The following DOP1B variants were observed in gnomAD, a reference collection of about 807,000 sequenced individuals.
The protein encoded by DOP1B is protein DOP1B.
A neutral mutation model predicts 233.5 loss-of-function variants in DOP1B; 174 were observed. The ratio of observed to expected loss-of-function variants is 0.75; its 90% CI spans 0.66 to 0.85. The LOEUF (loss-of-function observed/expected upper bound fraction) is 0.85. DOP1B is among the 40% of genes least tolerant of loss of function. The pLI, the probability that DOP1B is intolerant of heterozygous loss-of-function variation, is 0.00. For synonymous variants in DOP1B, 1,190 were observed against 1,185.6 expected, an observed-to-expected ratio of 1.00 and a Z score of -0.08; for missense variants, 2,652 against 2,846.6, an observed-to-expected ratio of 0.93 and a Z score of 1.56.
In DOP1B at chr21:36,293,412, C is replaced by T. The variant is rs1459984521; in HGVS notation, c.6738C>T (p.Phe2246=). 3 of 1,614,172 alleles carry T rather than the reference C, an allele frequency of 1.9e-6. No individual in the cohort carries two copies. Among genetic ancestry groups the T allele is most frequent in the Non-Finnish European group, 2.5e-6 (3 of 1,180,034 alleles). The stretch of plus-strand genomic sequence containing the variant: ...CCAGCATCAGGCAGTTGATGCCATT[C>T]TTCATGACTCTAAATGGTGCATTTA... The part of the protein sequence containing the change: ...SVSSIRQLMP[F]FMTLNGAFKT... The change falls in exon 37 of 37, where the codon TTC becomes TTT. Residue 2246 remains phenylalanine (F), a synonymous_variant. Transcript: ENST00000691173.
Position 36,230,532 on chromosome 21 carries a change from C to G in DOP1B, c.1748C>G (p.Pro583Arg), listed in dbSNP as rs574642618. 4 of 1,614,206 alleles carry G rather than the reference C, an allele frequency of 2.5e-6. No homozygotes were observed. In the East Asian group the frequency reaches 8.9e-5, roughly 36 times the overall value. Residue 583 changes from proline (P) to arginine (R), a missense_variant, in exon 14 of 37, where the codon CCT (proline) becomes CGT (arginine). Physicochemically the swap from Pro to Arg is moderately radical, Grantham distance 103. Around this residue, in one of 3 missense-constraint regions of DOP1B, gnomAD observed 2,617 missense variants for 2,794.3 expected, o/e 0.94. Coordinates refer to ENST00000691173, the MANE Select transcript of DOP1B (RefSeq NM_001320714.2). ...IPGDEDASFP[P>R]LKSEDSGIGL... The stretch of plus-strand genomic sequence containing the variant: ...GGTGACGAAGATGCTTCGTTTCCCC[C>G]TCTGAAGTCTGAGGACAGTGGGATC...
chr21:36,230,717 G>C lies in DOP1B; in HGVS notation c.1933G>C (p.Val645Leu). 1 of 1,614,190 alleles carries C rather than the reference G, an allele frequency of 6.2e-7. No individual in the cohort carries two copies. The highest frequency in any genetic ancestry group is 8.5e-7 in the Non-Finnish European group (1 of 1,180,046). The change falls in exon 14 of 37, where the codon GTA becomes CTA. Residue 645 changes from valine to leucine, a missense_variant. Physicochemically the swap from Val to Leu is conservative, Grantham distance 32. This residue lies in a region of DOP1B where 2,617 missense variants were observed against 2,794.3 expected (regional missense o/e 0.94). Transcript: ENST00000691173. ...ANFASKNIFG[V>L]QLTASGEESK... ...CTTTGCCAGCAAGAACATTTTTGGAGTACAGCTGACAGCGTCAGGAGAAGA... is the reference window on the plus strand; with the variant it reads ...CTTTGCCAGCAAGAACATTTTTGGACTACAGCTGACAGCGTCAGGAGAAGA...
chr21:36,243,874 T>C (rs1375986661), intron 18 of DOP1B, among the ~76,000 whole-genome samples: 4 of 152,034 alleles, frequency 2.6e-5, no homozygotes, highest in Non-Finnish European at 5.9e-5. Context: ...AGTTTTTCCA[T>C]GTTGCCCAGG....
chr21:36,169,949 T>A, intron 2 of DOP1B: 1 of 768,542 alleles, frequency 1.3e-6, no homozygotes, highest in Non-Finnish European at 2.4e-6. Flanking sequence ...GTCTCCACAG[T>A]AGTCATGGCC....
intron 2 of DOP1B, chr21:36,168,980 TCTTC>T (rs1201797388): frequency 1.4e-6 from 1 of 736,816 alleles, no homozygotes; most frequent in African/African-American, 1.7e-5. Context: ...TTAAGCTCCT[TCTTC>T]CTTTGCAATT....
intron 2 of DOP1B, among the ~76,000 whole-genome samples, chr21:36,172,969 A>C (rs2065986574): frequency 6.6e-6 from 1 of 151,964 alleles, no homozygotes; most frequent in Non-Finnish European, 1.5e-5. Flanking sequence ...AAATAAAAAA[A>C]ATTAGCCAGG....
chr21:36,288,939 CA>C (rs766706067), intron 34 of DOP1B, 105 bp from the exon 35 acceptor site: 32 of 1,500,296 alleles, frequency 2.1e-5, no homozygotes, highest in Non-Finnish European at 2.8e-5. Context: ...CCAGCTATTC[CA>C]AAAATTTCTT....
chr21:36,166,409 C>G (rs1473501109), intron 2 of DOP1B, among the ~76,000 whole-genome samples: 1 of 151,792 alleles, frequency 6.6e-6, no homozygotes, highest in African/African-American at 2.4e-5. Flanking sequence ...TGCCCTCCAT[C>G]CTGGGTGACA....
chr21:36,166,687 A>C (rs2065914309), intron 2 of DOP1B, among the ~76,000 whole-genome samples: 1 of 152,158 alleles, frequency 6.6e-6, no homozygotes, highest in Admixed American at 6.5e-5. Context: ...TTGGAGCCCA[A>C]GTGCTAGGTG....
At chr21:36,287,836 C>T (rs991631922) in intron 32 of DOP1B, among the ~76,000 whole-genome samples, 178 bp from the exon 33 acceptor site, 15 of 152,016 alleles carry the variant, frequency 9.9e-5, no homozygotes, top group African/African-American at 2.2e-4. Flanking sequence ...CCGCCCGCCT[C>T]GGCCTCCCAA....
In DOP1B at chr21:36,230,804, A is replaced by C; in HGVS notation, c.2020A>C (p.Asn674His). The change falls in exon 14 of 37, where the codon AAT becomes CAT. Residue 674 changes from asparagine (N) to histidine (H), a missense_variant. This residue lies in a region of DOP1B where 2,617 missense variants were observed against 2,794.3 expected (regional missense o/e 0.94). Transcript: ENST00000691173. The stretch of plus-strand genomic sequence containing the variant: ...GGATGGGACGCAGAGCCTGGCAGCC[A>C]ATGATTCCAGCAGGAAGAACTCTTG... ...DRDGTQSLAA[N>H]DSSRKNSWEP... 1 of 1,614,176 alleles carries C rather than the reference A, an allele frequency of 6.2e-7. No individual in the cohort carries two copies. The highest frequency in any genetic ancestry group is 8.5e-7 in the Non-Finnish European group (1 of 1,180,022).
chr21:36,250,610 A>T (rs1307658861), intron 21 of DOP1B, among the ~76,000 whole-genome samples: 1 of 152,190 alleles, frequency 6.6e-6, no homozygotes, highest in Admixed American at 6.5e-5. Context: ...AGAAATTCAT[A>T]AGTAGCAAAA....
At chr21:36,160,948 G>A (rs1459629593) in intron 1 of DOP1B, among the ~76,000 whole-genome samples, 3 of 152,216 alleles carry the variant, frequency 2.0e-5, no homozygotes, top group East Asian at 1.9e-4. Context: ...GCGGTGTGGC[G>A]ATGGAGAGCA....
chr21:36,190,612 G>C (rs2066222515), intron 2 of DOP1B, among the ~76,000 whole-genome samples: 1 of 152,088 alleles, frequency 6.6e-6, no homozygotes, highest in African/African-American at 2.4e-5. Context: ...TGCCCAGGCT[G>C]ATATCAAACT....
intron 2 of DOP1B, among the ~76,000 whole-genome samples, chr21:36,181,561 G>A (rs2066098727): frequency 6.6e-6 from 1 of 152,214 alleles, no homozygotes; most frequent in African/African-American, 2.4e-5. Context: ...TTACAGGCAT[G>A]AGCCACCACG....
At chr21:36,166,602 C>T (rs919947621) in intron 2 of DOP1B, among the ~76,000 whole-genome samples, 1 of 152,154 alleles carries the variant, frequency 6.6e-6, no homozygotes, top group African/African-American at 2.4e-5. Flanking sequence ...ATGACCACTA[C>T]AACATGTAGG....
rs1208086359 is a variant in DOP1B at position 36,214,422 on chromosome 21, T to C, written c.1015-20T>C. On this transcript the variant is annotated intron_variant, in intron 8 of 36. Coordinates refer to ENST00000691173, the MANE Select transcript of DOP1B (RefSeq NM_001320714.2). ...TTATGATATACGATATTCTAATATG[T>C]GGCTTTTTTTAAATAATAGGGTTTG... 1.9e-6 allele frequency: 3 copies of C among 1,600,788 alleles called. No individual in the cohort carries two copies. The African/African-American group carries it at 4.1e-5, about 22-fold the overall frequency.
intron 2 of DOP1B, chr21:36,169,831 C>T (rs2065955183): frequency 6.2e-6 from 6 of 964,154 alleles, no homozygotes; most frequent in Admixed American, 1.7e-5. Flanking sequence ...GTTAGAGAAA[C>T]ACCTTTTGCA....
intron 4 of DOP1B, among the ~76,000 whole-genome samples, chr21:36,203,410 A>T (rs145264367): frequency 7.4e-4 from 112 of 152,316 alleles, no homozygotes; most frequent in African/African-American, 2.5e-3. Flanking sequence ...TGTTCCCAGA[A>T]GTGCTTGGGT....
Sources: allele counts gnomAD v4.1 joint callset (sites outside exome capture counted in the v4.1 genomes callset), GRCh38; gene constraint gnomAD v4.1.1; regional missense constraint gnomAD v4.1.1; transcripts MANE v1.5; gene names NCBI Gene and HGNC (gene_info 2026-07-23, HGNC 2026-07-21).